Variants in RREB1 observed in about 807,000 individuals in gnomAD.
RREB1 encodes the protein ras-responsive element-binding protein 1.
In RREB1, 27 loss-of-function variants were observed where a neutral mutation model predicts 117.8. The ratio of observed to expected loss-of-function variants is 0.23; its 90% CI spans 0.17 to 0.32. The LOEUF is 0.32. RREB1 is among the 10% of genes least tolerant of loss of function. RREB1 has a pLI of 1.00. For synonymous variants in RREB1, 1,298 were observed against 1,026.7 expected (o/e 1.26, Z -5.05); for missense variants, 2,577 against 2,378.2 (o/e 1.08, Z -1.74).
rs111457232 is a variant in RREB1, at chr6:7,217,657, T to C, written c.707+5948T>C. On this transcript the variant is annotated intron_variant, in intron 8 of 12. Transcript: ENST00000379938. ...TCTGGAAAATAGATTTGAAGGCTGTTGTGAGGATGAAGGGAGATAATCCAC... is the reference window on the plus strand; with the variant it reads ...TCTGGAAAATAGATTTGAAGGCTGTCGTGAGGATGAAGGGAGATAATCCAC... 21 of 152,328 alleles carry C rather than the reference T, an allele frequency of 1.4e-4. 1 individual carries two copies. Among genetic ancestry groups the C allele is most frequent in the African/African-American group, 4.3e-4 (18 of 41,572 alleles). The allele number at this position is 152,328 out of a possible 1,614,324, so 9.4% of individuals were successfully genotyped here. A position where few individuals can be genotyped will look rare whatever the true frequency, so the allele number is the denominator to read the frequency against.
chr6:7,194,112 T>G (rs1056008335), intron 6 of RREB1, among the ~76,000 whole-genome samples: 11 of 152,258 alleles, frequency 7.2e-5, no homozygotes, highest in African/African-American at 2.7e-4. Flanking sequence ...TGACTGAATT[T>G]TATTACTCTG....
At chr6:7,182,390 A>G (rs557972846) in intron 4 of RREB1, among the ~76,000 whole-genome samples, 166 of 152,242 alleles carry the variant, frequency 1.1e-3, no homozygotes, top group Admixed American at 2.0e-3. Flanking sequence ...GATTTCTGTG[A>G]TGTGGTTTGT....
At chr6:7,181,757 G>A (rs979330840) in intron 3 of RREB1, 113 bp from the exon 4 acceptor site, 12 of 783,444 alleles carry the variant, frequency 1.5e-5, no homozygotes, top group Admixed American at 4.1e-5. Context: ...GAGAAAGACA[G>A]CGTTGGATGT....
At chr6:7,183,480 G>GC (rs1764912151) in intron 4 of RREB1, 1 of 152,214 alleles carries the variant, frequency 6.6e-6, no homozygotes, top group Non-Finnish European at 1.5e-5. Context: ...TCATCCTTCT[G>GC]CTCTACCAGG....
At chr6:7,190,784 A>C (rs994996357) in intron 6 of RREB1, among the ~76,000 whole-genome samples, 1 of 152,206 alleles carries the variant, frequency 6.6e-6, no homozygotes, top group Non-Finnish European at 1.5e-5. Flanking sequence ...CCACACCCCC[A>C]AAAAGTCCTT....
At chr6:7,225,374 T>C (rs1477019908) in intron 8 of RREB1, among the ~76,000 whole-genome samples, 3 of 152,218 alleles carry the variant, frequency 2.0e-5, no homozygotes, top group African/African-American at 7.2e-5. Flanking sequence ...GGAACTTTAA[T>C]TTAAATTTGA....
At chr6:7,169,005 CTAGGT>C (rs1764090429) in intron 1 of RREB1, among the ~76,000 whole-genome samples, 1 of 147,628 alleles carries the variant, frequency 6.8e-6, no homozygotes, top group Admixed American at 6.7e-5. Context: ...TGTTAGTGCC[CTAGGT>C]TATCAGGGAA....
chr6:7,245,250 G>T (rs1052352540), intron 11 of RREB1, among the ~76,000 whole-genome samples: 1 of 152,142 alleles, frequency 6.6e-6, no homozygotes, highest in Admixed American at 6.5e-5. Context: ...ACAAAAATCA[G>T]CTGGGCGTGG....
At chr6:7,211,517 C>A in intron 7 of RREB1, 56 bp from the exon 8 acceptor site, 3 of 1,549,784 alleles carry the variant, frequency 1.9e-6, no homozygotes, top group Non-Finnish European at 2.7e-6. Context: ...GCCTCTCTTC[C>A]GAAGCCATCC....
intron 6 of RREB1, among the ~76,000 whole-genome samples, chr6:7,198,013 G>A (rs181367391): frequency 1.3e-5 from 2 of 152,312 alleles, no homozygotes. Flanking sequence ...TATTAAATGA[G>A]ACAAGGAGCA....
intron 1 of RREB1, among the ~76,000 whole-genome samples, chr6:7,139,496 AG>A (rs1401320647): frequency 7.2e-5 from 11 of 152,330 alleles, no homozygotes; most frequent in Non-Finnish European, 1.3e-4. Flanking sequence ...TTTGGAGTTA[AG>A]GGGAGAAAAA....
chr6:7,226,381 A>T lies in RREB1; in HGVS notation c.708-86A>T. 20 of 938,150 alleles carry T rather than the reference A, an allele frequency of 2.1e-5. No individual in the cohort carries two copies. The South Asian group carries it at 3.9e-4, about 19-fold the overall frequency. The allele number at this position is 938,150 out of a possible 1,614,324, so 58.1% of individuals were successfully genotyped here. Reference sequence around the variant, plus strand: ...ATTGAAATGAATCAACAAAAACTTAAGTCTGGAAGAGTGGAAACTCTGACT... The same window carrying T: ...ATTGAAATGAATCAACAAAAACTTATGTCTGGAAGAGTGGAAACTCTGACT... On this transcript the variant is annotated intron_variant, in intron 8 of 12. Coordinates refer to ENST00000379938, the MANE Select transcript of RREB1 (RefSeq NM_001003699.4).
chr6:7,228,284 C>G (rs773988209), intron 9 of RREB1, among the ~76,000 whole-genome samples: 22 of 152,094 alleles, frequency 1.4e-4, no homozygotes, highest in South Asian at 6.2e-4. Context: ...GTAGCTGATT[C>G]TCCAACATCT....
rs531987229 is a variant in RREB1, at chr6:7,224,920, A to C, written c.708-1547A>C. 3.3e-5 allele frequency among the ~76,000 whole-genome samples: 5 copies of C among 152,198 alleles called. No homozygotes were observed. The South Asian group carries it at 1.0e-3, about 32-fold the overall frequency. ...GCTGAGCAGTGACAGGAGAGTGCTC[A>C]GGAGAGGCCCTTCCTGAACAGGGGA... On this transcript the variant is annotated intron_variant, in intron 8 of 12. Coordinates refer to ENST00000379938, the MANE Select transcript of RREB1 (RefSeq NM_001003699.4).
At chr6:7,126,138 A>G (rs1421475025) in intron 1 of RREB1, among the ~76,000 whole-genome samples, 1 of 151,900 alleles carries the variant, frequency 6.6e-6, no homozygotes, top group African/African-American at 2.4e-5. Context: ...AGTAGCTGGG[A>G]TTACAGGTGC....
intron 6 of RREB1, among the ~76,000 whole-genome samples, chr6:7,197,954 C>T (rs1765751856): frequency 6.6e-6 from 1 of 152,220 alleles, no homozygotes; most frequent in Admixed American, 6.5e-5. Context: ...TTAGGCTAAG[C>T]CAGCCCTTGG....
chr6:7,216,787 G>A (rs1014185128), intron 8 of RREB1: 1 of 152,364 alleles, frequency 6.6e-6, no homozygotes, highest in African/African-American at 2.4e-5. Flanking sequence ...AACACTTCCG[G>A]GGGCTATGAA....
At position 7,198,165 on chromosome 6, in the gene RREB1, G is replaced by A. The variant is rs1765761899; in HGVS notation, c.425+8843G>A. On this transcript the variant is annotated intron_variant, in intron 6 of 12. Transcript: ENST00000379938. ...CTGTATGTAGCTCGTTCTGGCGCTT[G>A]CTGCTTCTGAAGGGTGGAGGTGACC... Among the ~76,000 whole-genome samples, 4 of 152,198 alleles carry A rather than the reference G, an allele frequency of 2.6e-5. 1 individual carries two copies. In the South Asian group the frequency reaches 8.3e-4, roughly 31 times the overall value.
Position 7,248,991 on chromosome 6 carries a change from A to G in RREB1, c.*23A>G. On this transcript the variant is annotated 3_prime_UTR_variant, in exon 13 of 13. Transcript: ENST00000379938. ...TGACAGCCTCAGTCCCCCTCAGCAC[A>G]GACAAAAGCCAGCAGAGCAAAGCGT... 4.1e-6 allele frequency: 6 copies of G among 1,446,764 alleles called. No homozygotes were observed. Among genetic ancestry groups the G allele is most frequent in the Non-Finnish European group, 5.4e-6 (6 of 1,105,434 alleles). The allele number at this position is 1,446,764 out of a possible 1,614,324, so 89.6% of individuals were successfully genotyped here.
Sources: gnomAD v4.1 joint callset for allele counts (sites outside exome capture counted in the v4.1 genomes callset) on GRCh38, gnomAD v4.1.1 for gene constraint, MANE v1.5 for transcripts, NCBI Gene and HGNC (gene_info 2026-07-23, HGNC 2026-07-21) for gene names.